Variants in IGDCC4 observed in about 807,000 individuals in gnomAD.
IGDCC4 encodes likely ortholog of mouse neighbor of Punc E11.
IGDCC4 carries 72 observed loss-of-function variants against 116.6 expected under a neutral mutation model. The observed-to-expected ratio is 0.62, with a 90% CI of 0.51 to 0.75. The LOEUF (loss-of-function observed/expected upper bound fraction) is 0.75, where lower values mean the gene tolerates loss of function less well. Ranked by LOEUF, IGDCC4 falls within the 30% of genes least tolerant of loss-of-function variation. The pLI is 0.00. For missense variants in IGDCC4, 1,501 were observed against 1,662.4 expected (o/e 0.90, Z 1.69); for synonymous variants, 709 against 719.9 (o/e 0.98, Z 0.24).
chr15:65,395,785 ATCTGCTCGCTG>A lies in IGDCC4; in HGVS notation c.1365_1375del (p.Ser456HisfsTer41). The A allele has an allele frequency of 7.5e-6, 11 of 1,467,202 alleles. No homozygotes were observed. The highest frequency in any genetic ancestry group is 1.0e-5 in the Non-Finnish European group (11 of 1,101,744). The allele number at this position is 1,467,202 out of a possible 1,614,324, so 90.9% of individuals were successfully genotyped here. The stretch of plus-strand genomic sequence containing the variant: ...CTGGTAGTGGAGAGAGAAGCCGATG[ATCTGCTCGCTG>A]TGCATCTCGGGCCGCTCCCAGGCCA... On this transcript the variant is annotated frameshift_variant, in exon 7 of 20. Coordinates refer to ENST00000352385, the MANE Select transcript of IGDCC4 (RefSeq NM_020962.3). LOFTEE classifies it high-confidence loss of function.
At chr15:65,414,220 A>G (rs1474686156) in intron 1 of IGDCC4, among the ~76,000 whole-genome samples, 1 of 152,238 alleles carries the variant, frequency 6.6e-6, no homozygotes, top group East Asian at 1.9e-4. Flanking sequence ...CTGGGATTGC[A>G]GTGTGAAGGG....
In IGDCC4 at chr15:65,392,367, G is replaced by A; in HGVS notation, c.1889C>T (p.Pro630Leu). 6.6e-7 allele frequency: 1 copy of A among 1,514,830 alleles called. No individual in the cohort carries two copies. The highest frequency in any genetic ancestry group is 8.9e-7 in the Non-Finnish European group (1 of 1,129,604). The allele number at this position is 1,514,830 out of a possible 1,614,324, so 93.8% of individuals were successfully genotyped here. A position where few individuals can be genotyped will look rare whatever the true frequency, so the allele number is the denominator to read the frequency against. ...TPSMHNQSHV[P>L]FAPAELKVQA... Reference sequence around the variant, plus strand: ...CACCTTCAACTCTGCAGGGGCAAAAGGGACTGGGGGGCAGAGGAGCAGGAT... The same window carrying A: ...CACCTTCAACTCTGCAGGGGCAAAAAGGACTGGGGGGCAGAGGAGCAGGAT... The change falls in exon 11 of 20, where the codon CCT becomes CTT. Residue 630 changes from proline to leucine, a missense_variant. Pro to Leu is a moderately conservative substitution (Grantham distance 98). This residue lies in a region of IGDCC4 where 898 missense variants were observed against 978.9 expected (regional missense o/e 0.92). Coordinates refer to ENST00000352385, the MANE Select transcript of IGDCC4 (RefSeq NM_020962.3).
At chr15:65,410,894 G>A (rs1009383549) in intron 2 of IGDCC4, 126 bp downstream of exon 2, 1 of 695,304 alleles carries the variant, frequency 1.4e-6, no homozygotes, top group African/African-American at 1.8e-5. Context: ...AGCAGGATGG[G>A]AGGCAGGGAA....
rs373976279 is a variant in IGDCC4, at chr15:65,392,317, C to T, written c.1939G>A (p.Val647Met). ...GGGTGAGGGGGTGGCTGCCATGACA[C>T]GACCAGGGACTCCATCTTTGCCTGC... ...KVQAKMESLV[V>M]SWQPPPHPTQ... Residue 647 changes from valine (V) to methionine (M), a missense_variant, in exon 11 of 20, where the codon GTG becomes ATG. By Grantham distance (21) the Val-to-Met change is conservative (BLOSUM62 1). This residue lies in a region of IGDCC4 where 898 missense variants were observed against 978.9 expected (regional missense o/e 0.92). Coordinates refer to ENST00000352385, the MANE Select transcript of IGDCC4 (RefSeq NM_020962.3). 57 of 1,585,954 alleles carry T rather than the reference C, an allele frequency of 3.6e-5. No homozygotes were observed. Among genetic ancestry groups the T allele is most frequent in the Middle Eastern group, 1.7e-4 (1 of 5,964 alleles).
At chr15:65,409,257 G>C (rs907752748) in intron 3 of IGDCC4, among the ~76,000 whole-genome samples, 3 of 152,116 alleles carry the variant, frequency 2.0e-5, no homozygotes, top group Non-Finnish European at 2.9e-5. Flanking sequence ...AGTCAGAGGA[G>C]CTGGGACAAT....
At position 65,384,734 on chromosome 15, in the gene IGDCC4, G is replaced by C; in HGVS notation, c.3342+220C>G. ...GAACTGCTGTGGCCCACTTAGGTCT[G>C]GGTAGAGGAGGGGCTGTTTTCAACC... On this transcript the variant is annotated intron_variant, in intron 19 of 19. Coordinates refer to ENST00000352385, the MANE Select transcript of IGDCC4 (RefSeq NM_020962.3). The surrounding 1 kb of genome is among the most constrained non-coding windows in gnomAD (Gnocchi z 4.9). 1 of 596,038 alleles carries C rather than the reference G, an allele frequency of 1.7e-6. No individual in the cohort carries two copies. Among genetic ancestry groups the C allele is most frequent in the Non-Finnish European group, 2.8e-6 (1 of 356,470 alleles). The allele number at this position is 596,038 out of a possible 1,614,324, so 36.9% of individuals were successfully genotyped here. A position where few individuals can be genotyped will look rare whatever the true frequency, so the allele number is the denominator to read the frequency against.
rs903480081 is a variant in IGDCC4 at position 65,382,259 on chromosome 15, T to C, written c.*1750A>G. 1 of 152,342 alleles carries C rather than the reference T, an allele frequency of 6.6e-6. No individual in the cohort carries two copies. The highest frequency in any genetic ancestry group is 1.5e-5 in the Non-Finnish European group (1 of 68,014). 9.4% of individuals were successfully genotyped at this position (152,342 alleles called of 1,614,324 possible). A position where few individuals can be genotyped will look rare whatever the true frequency, so the allele number is the denominator to read the frequency against. On this transcript the variant is annotated 3_prime_UTR_variant, in exon 20 of 20. Coordinates refer to ENST00000352385, the MANE Select transcript of IGDCC4 (RefSeq NM_020962.3). ...ATACAAAACCAACATTAATAATCTT[T>C]AGTGTTATCATAGGCTGGCTGAAGG...
intron 3 of IGDCC4, among the ~76,000 whole-genome samples, chr15:65,404,209 A>C (rs2063019057): frequency 6.6e-6 from 1 of 152,212 alleles, no homozygotes. Context: ...TAAAGGACTT[A>C]GAGAAAAAAA....
Position 65,386,074 on chromosome 15 carries a change from G to A in IGDCC4, c.2952-15C>T, listed in dbSNP as rs1019645206. 17 of 1,449,182 alleles carry A rather than the reference G, an allele frequency of 1.2e-5. No homozygotes were observed. Among genetic ancestry groups the A allele is most frequent in the South Asian group, 1.4e-5 (1 of 71,766 alleles). The allele number at this position is 1,449,182 out of a possible 1,614,324, so 89.8% of individuals were successfully genotyped here. ...GGAGGGATTCCCTGGAAGGGAAGAC[G>A]GAAAACAAGGCATAGCGGTCAGAGT... On this transcript the variant is annotated splice_polypyrimidine_tract_variant and intron_variant, in intron 17 of 19. Coordinates refer to ENST00000352385, the MANE Select transcript of IGDCC4 (RefSeq NM_020962.3).
intron 3 of IGDCC4, among the ~76,000 whole-genome samples, chr15:65,403,913 G>A (rs1337702983): frequency 1.3e-5 from 2 of 152,138 alleles, no homozygotes; most frequent in Non-Finnish European, 2.9e-5. Context: ...CCTAAGGAGG[G>A]GGTGAATGGG....
chr15:65,399,731 A>T (rs1415485355), intron 5 of IGDCC4, among the ~76,000 whole-genome samples: 1 of 152,196 alleles, frequency 6.6e-6, no homozygotes, highest in Non-Finnish European at 1.5e-5. Flanking sequence ...ATTGGTGGGT[A>T]CATATTAATA....
At chr15:65,416,136 CTTTTTTTTTTTT>C (rs60072640) in intron 1 of IGDCC4, among the ~76,000 whole-genome samples, 4 of 77,608 alleles carry the variant, frequency 5.2e-5, no homozygotes, top group African/African-American at 2.1e-4. Flanking sequence ...AATGTTTTGA[CTTTTTTTTTTTT>C]TTTTTTTTTT....
rs116092608 is a variant in IGDCC4, at chr15:65,384,565, G to A, written c.3343-146C>T. On this transcript the variant is annotated intron_variant, in intron 19 of 19. Coordinates refer to ENST00000352385, the MANE Select transcript of IGDCC4 (RefSeq NM_020962.3). The surrounding 1 kb of genome is among the most constrained non-coding windows in gnomAD (Gnocchi z 4.9). ...GGTGAAGGATACACAGGAACTGTTCGAACCTATACAAAGGCAGGGAATGAT... is the reference window on the plus strand; with the variant it reads ...GGTGAAGGATACACAGGAACTGTTCAAACCTATACAAAGGCAGGGAATGAT... 19 of 807,592 alleles carry A rather than the reference G, an allele frequency of 2.4e-5. No homozygotes were observed. The Admixed American group carries it at 4.4e-4, about 19-fold the overall frequency. 50.0% of individuals were successfully genotyped at this position (807,592 alleles called of 1,614,324 possible). A position where few individuals can be genotyped will look rare whatever the true frequency, so the allele number is the denominator to read the frequency against.
At chr15:65,406,468 G>T (rs1351620555) in intron 3 of IGDCC4, among the ~76,000 whole-genome samples, 1 of 152,144 alleles carries the variant, frequency 6.6e-6, no homozygotes, top group East Asian at 1.9e-4. Flanking sequence ...AAAATAGTAT[G>T]AGTACCGGGG....
At chr15:65,391,252 G>A (rs944686625) in intron 12 of IGDCC4, among the ~76,000 whole-genome samples, 1 of 152,112 alleles carries the variant, frequency 6.6e-6, no homozygotes, top group Non-Finnish European at 1.5e-5. Context: ...AAGAACCCAA[G>A]CTTCATGGCT....
chr15:65,422,297 A>C (rs1005633776), intron 1 of IGDCC4, among the ~76,000 whole-genome samples: 1 of 152,064 alleles, frequency 6.6e-6, no homozygotes. Flanking sequence ...CCAAGGCCAA[A>C]TATTAGCTCA....
At chr15:65,385,262 A>AG in intron 18 of IGDCC4, 147 bp from the exon 19 acceptor site, 4 of 862,072 alleles carry the variant, frequency 4.6e-6, no homozygotes, top group Non-Finnish European at 6.9e-6. Context: ...GGCTCTGGGG[A>AG]GGAGCATCGA....
In IGDCC4 at chr15:65,422,877, G is replaced by A; in HGVS notation, c.-15C>T. The A allele has an allele frequency of 9.7e-7, 1 of 1,031,768 alleles. No homozygotes were observed. The highest frequency in any genetic ancestry group is 1.2e-6 in the Non-Finnish European group (1 of 857,092). The allele number at this position is 1,031,768 out of a possible 1,614,324, so 63.9% of individuals were successfully genotyped here. A position where few individuals can be genotyped will look rare whatever the true frequency, so the allele number is the denominator to read the frequency against. Reference sequence around the variant, plus strand: ...CCCCGCGCCATGGGGCTGGGCTCGGGCCGCCGCCGCCGCCGCCGCCTCCCC... The same window carrying A: ...CCCCGCGCCATGGGGCTGGGCTCGGACCGCCGCCGCCGCCGCCGCCTCCCC... On this transcript the variant is annotated 5_prime_UTR_variant, in exon 1 of 20. Coordinates refer to ENST00000352385, the MANE Select transcript of IGDCC4 (RefSeq NM_020962.3).
intron 1 of IGDCC4, among the ~76,000 whole-genome samples, chr15:65,418,522 C>A (rs2063163381): frequency 6.6e-6 from 1 of 152,148 alleles, no homozygotes; most frequent in Admixed American, 6.5e-5. Flanking sequence ...CATGGGCCCC[C>A]AAATCCAAAG....
Sources: gnomAD v4.1 joint callset for allele counts (sites outside exome capture counted in the v4.1 genomes callset) on GRCh38, gnomAD v4.1.1 for gene constraint, gnomAD v4.1.1 regional missense constraint, Gnocchi (gnomAD v3.1) non-coding constraint, MANE v1.5 for transcripts, NCBI Gene and HGNC (gene_info 2026-07-23, HGNC 2026-07-21) for gene names.